The following TOP6BL variants were observed in gnomAD, a reference collection of about 807,000 sequenced individuals.
TOP6BL encodes the protein type 2 DNA topoisomerase 6 subunit B-like.
At chr11:66,754,800 G>C in the TOP6BL span, among the ~76,000 whole-genome samples, 1 of 152,068 alleles carries the variant, frequency 6.6e-6, no homozygotes, top group African/African-American at 2.4e-5. Flanking sequence ...TTTGATTCTC[G>C]TCCCAAAGAT....
the TOP6BL span, chr11:66,758,458 C>G: frequency 6.6e-6 from 1 of 151,848 alleles, no homozygotes; most frequent in South Asian, 2.1e-4. Context: ...ACTGCAGGCA[C>G]CCGCCACCAC....
the TOP6BL span, among the ~76,000 whole-genome samples, chr11:66,814,216 C>G: frequency 1.3e-5 from 2 of 152,070 alleles, no homozygotes; most frequent in Non-Finnish European, 2.9e-5. Flanking sequence ...CAAGCTCTTT[C>G]AGAGCTTGTT....
At chr11:66,813,994 T>C in the TOP6BL span, 4 of 1,613,660 alleles carry the variant, frequency 2.5e-6, no homozygotes, top group Non-Finnish European at 3.4e-6. Context: ...GATACCCAAT[T>C]TGGATCTCAA....
At chr11:66,803,528 A>G in the TOP6BL span, among the ~76,000 whole-genome samples, 1 of 152,192 alleles carries the variant, frequency 6.6e-6, no homozygotes, top group Non-Finnish European at 1.5e-5. Context: ...TCCCAGGTTC[A>G]AGCGATTCTC....
the TOP6BL span, among the ~76,000 whole-genome samples, chr11:66,767,281 T>G: frequency 6.6e-6 from 1 of 152,300 alleles, no homozygotes; most frequent in East Asian, 1.9e-4. Context: ...TAATTCCATT[T>G]ATATATTCAT....
chr11:66,843,287 T>TA, the TOP6BL span: 18 of 1,590,428 alleles, frequency 1.1e-5, no homozygotes, highest in Non-Finnish European at 1.5e-5. Flanking sequence ...GGGCAGCCGT[T>TA]ATCCCGTGGT....
chr11:66,843,261 C>A, the TOP6BL span: 1 of 1,605,724 alleles, frequency 6.2e-7, no homozygotes, highest in Non-Finnish European at 8.5e-7. Context: ...CAAGCGCCCA[C>A]CGATCCGGAG....
At chr11:66,803,899 C>A in the TOP6BL span, 1 of 945,922 alleles carries the variant, frequency 1.1e-6, no homozygotes, top group Non-Finnish European at 1.6e-6. Context: ...TGTGGTTGTA[C>A]ATATGCTAGA....
chr11:66,762,844 A>AATCT, the TOP6BL span, among the ~76,000 whole-genome samples: 5 of 152,218 alleles, frequency 3.3e-5, no homozygotes, highest in African/African-American at 1.2e-4. Context: ...GAATACTCTA[A>AATCT]AGACACAAAT....
the TOP6BL span, among the ~76,000 whole-genome samples, chr11:66,836,277 C>T: frequency 4.0e-5 from 6 of 151,828 alleles, no homozygotes; most frequent in Non-Finnish European, 7.4e-5. Flanking sequence ...AGTGCAGTGG[C>T]GCTATCTCGG....
At chr11:66,758,518 G>C in the TOP6BL span, 1 of 151,902 alleles carries the variant, frequency 6.6e-6, no homozygotes, top group African/African-American at 2.4e-5. Flanking sequence ...GTTTCACCGT[G>C]TTAGCCAGGA....
chr11:66,823,106 C>A, the TOP6BL span, among the ~76,000 whole-genome samples: 1 of 151,830 alleles, frequency 6.6e-6, no homozygotes, highest in Admixed American at 6.6e-5. Context: ...ACCAGCCTGA[C>A]CAACATGGTG....
At chr11:66,747,688 G>A in the TOP6BL span, among the ~76,000 whole-genome samples, 1 of 151,934 alleles carries the variant, frequency 6.6e-6, no homozygotes, top group Non-Finnish European at 1.5e-5. Context: ...GCCTGATCAG[G>A]GCTCACTTCA....
At chr11:66,759,138 G>T in the TOP6BL span, 1 of 1,276,296 alleles carries the variant, frequency 7.8e-7, no homozygotes, top group South Asian at 1.8e-5. Flanking sequence ...ATATCTTCCC[G>T]ACAATTAATT....
chr11:66,820,950 G>A, the TOP6BL span, among the ~76,000 whole-genome samples: 3 of 152,326 alleles, frequency 2.0e-5, no homozygotes, highest in Admixed American at 6.5e-5. Flanking sequence ...TTGTGGATAT[G>A]TAGGGGTCTC....
chr11:66,834,274 C>T, the TOP6BL span, among the ~76,000 whole-genome samples: 1 of 152,172 alleles, frequency 6.6e-6, no homozygotes, highest in Non-Finnish European at 1.5e-5. Flanking sequence ...CGAGAGCTCC[C>T]GGCTCTGAAA....
At chr11:66,804,294 A>G in the TOP6BL span, 2 of 974,246 alleles carry the variant, frequency 2.1e-6, no homozygotes, top group Non-Finnish European at 2.9e-6. Flanking sequence ...CTACAAATAT[A>G]TATGATTTGT....
the TOP6BL span, chr11:66,761,924 A>C: frequency 7.3e-7 from 1 of 1,368,274 alleles, no homozygotes. Context: ...CGAAATGGGG[A>C]GTTGATATCA....
the TOP6BL span, among the ~76,000 whole-genome samples, chr11:66,842,366 TC>T: frequency 6.6e-6 from 1 of 152,192 alleles, no homozygotes; most frequent in Non-Finnish European, 1.5e-5. Flanking sequence ...TTGATCTGCA[TC>T]CCCAAGACCT....
Sources: gnomAD v4.1 joint callset for allele counts (sites outside exome capture counted in the v4.1 genomes callset) on GRCh38, gnomAD v4.1.1 for gene constraint, MANE v1.5 for transcripts, NCBI Gene and HGNC (gene_info 2026-07-23, HGNC 2026-07-21) for gene names.